Variants in NCK2 observed in about 807,000 individuals in gnomAD.
The protein encoded by NCK2 is NCK adaptor protein 2.
A neutral mutation model predicts 33.9 loss-of-function variants in NCK2; 16 were observed. That is an observed-to-expected ratio of 0.47 (90% CI 0.32 to 0.72). The LOEUF (loss-of-function observed/expected upper bound fraction) is 0.72, where lower values mean the gene tolerates loss of function less well. NCK2 is among the 30% of genes least tolerant of loss of function. The probability of loss-of-function intolerance (pLI) is 0.03; values close to 1 mark genes in which losing one functional copy is unlikely to be tolerated. For synonymous variants in NCK2, 273 were observed against 239.9 expected, an observed-to-expected ratio of 1.14 and a Z score of -1.27; for missense variants, 418 against 537.3, an observed-to-expected ratio of 0.78 and a Z score of 2.19.
chr2:105,882,910 G>A (rs973441963), intron 4 of NCK2, among the ~76,000 whole-genome samples: 1 of 152,146 alleles, frequency 6.6e-6, no homozygotes, highest in Admixed American at 6.5e-5. Flanking sequence ...TTAAATGCAC[G>A]CTATAAGACT....
intron 1 of NCK2, among the ~76,000 whole-genome samples, chr2:105,792,987 A>C (rs1690945688): frequency 6.6e-6 from 1 of 152,136 alleles, no homozygotes; most frequent in Admixed American, 6.5e-5. Context: ...CAACCGAGTC[A>C]GCTTTTCCCT....
intron 1 of NCK2, among the ~76,000 whole-genome samples, chr2:105,746,275 C>G (rs1359493679): frequency 1.3e-5 from 2 of 152,202 alleles, no homozygotes; most frequent in Admixed American, 6.5e-5. Context: ...GGGCCAGCTC[C>G]GTCCCTCGAC....
At chr2:105,850,971 T>C (rs6543343) in intron 2 of NCK2, among the ~76,000 whole-genome samples, 141,787 of 152,272 alleles carry the variant, frequency 0.93, 66,085 homozygotes, top group East Asian at 0.98. Flanking sequence ...GGGATGCAAC[T>C]TCAACTCTCG....
At chr2:105,773,614 A>G (rs1482772832) in intron 1 of NCK2, among the ~76,000 whole-genome samples, 1 of 152,004 alleles carries the variant, frequency 6.6e-6, no homozygotes, top group Non-Finnish European at 1.5e-5. Context: ...CTTTGACACT[A>G]TGGTTCATTT....
intron 4 of NCK2, among the ~76,000 whole-genome samples, chr2:105,888,439 G>A (rs762602257): frequency 6.6e-6 from 1 of 152,186 alleles, no homozygotes. Flanking sequence ...ACAGTGGGAG[G>A]TAGCACAAAG....
intron 1 of NCK2, among the ~76,000 whole-genome samples, chr2:105,783,841 A>G (rs1178689624): frequency 6.6e-6 from 1 of 152,106 alleles, no homozygotes; most frequent in Non-Finnish European, 1.5e-5. Flanking sequence ...ATTTCTTCCC[A>G]GAAAGTGGGA....
intron 2 of NCK2, among the ~76,000 whole-genome samples, chr2:105,832,469 A>G (rs188598577): frequency 1.4e-4 from 21 of 152,302 alleles, no homozygotes; most frequent in African/African-American, 5.1e-4. Context: ...TCTGTCGTTA[A>G]GGCTCGTATT....
intron 1 of NCK2, among the ~76,000 whole-genome samples, chr2:105,764,335 C>A (rs994852738): frequency 6.6e-6 from 1 of 152,264 alleles, no homozygotes; most frequent in Non-Finnish European, 1.5e-5. Context: ...TTTAGCCCCA[C>A]AGCTCGAGTG....
intron 1 of NCK2, among the ~76,000 whole-genome samples, chr2:105,752,400 A>G (rs1247349908): frequency 6.8e-6 from 1 of 147,526 alleles, no homozygotes; most frequent in Non-Finnish European, 1.5e-5. Context: ...ACTAATATCT[A>G]TCATCAAAAT....
intron 2 of NCK2, among the ~76,000 whole-genome samples, chr2:105,820,395 T>A (rs1421919878): frequency 6.6e-6 from 1 of 152,150 alleles, no homozygotes; most frequent in African/African-American, 2.4e-5. Context: ...ATTTCCCAGT[T>A]ATTGGACACT....
At chr2:105,827,461 GAA>G (rs1675998016) in intron 2 of NCK2, among the ~76,000 whole-genome samples, 1 of 152,156 alleles carries the variant, frequency 6.6e-6, no homozygotes, top group Admixed American at 6.5e-5. Context: ...AAAGTACACA[GAA>G]AGTCAGCAGG....
intron 1 of NCK2, among the ~76,000 whole-genome samples, chr2:105,780,549 T>G (rs759982804): frequency 2.0e-4 from 31 of 152,200 alleles, no homozygotes; most frequent in Non-Finnish European, 3.8e-4. Context: ...TGGGCACTAT[T>G]GAGAGTGGGA....
At chr2:105,884,038 A>G (rs187197212) in intron 4 of NCK2, among the ~76,000 whole-genome samples, 102 of 152,210 alleles carry the variant, frequency 6.7e-4, no homozygotes, top group African/African-American at 2.4e-3. Flanking sequence ...GGCCATTTTC[A>G]GCTGTTAGTG....
intron 1 of NCK2, among the ~76,000 whole-genome samples, chr2:105,758,413 G>GTT (rs574939583): frequency 0.32 from 42,026 of 132,304 alleles, 7,094 homozygotes; most frequent in East Asian, 0.46. Context: ...TGTTGTTTTT[G>GTT]TTTTTTTTTT....
intron 1 of NCK2, among the ~76,000 whole-genome samples, chr2:105,761,111 G>A (rs945783880): frequency 1.3e-5 from 2 of 152,216 alleles, no homozygotes; most frequent in Non-Finnish European, 2.9e-5. Flanking sequence ...GCCAGAGTCT[G>A]CTGTGAGGCC....
chr2:105,890,237 C>T (rs935837391), intron 4 of NCK2, among the ~76,000 whole-genome samples: 8 of 152,148 alleles, frequency 5.3e-5, no homozygotes, highest in South Asian at 2.1e-4. Context: ...CATACAGGCA[C>T]ACACACACCA....
chr2:105,794,313 A>T (rs1691000082), intron 1 of NCK2, among the ~76,000 whole-genome samples: 2 of 152,016 alleles, frequency 1.3e-5, no homozygotes, highest in Non-Finnish European at 2.9e-5. Flanking sequence ...CAGCCTCCCA[A>T]AGTGCTAGGA....
chr2:105,835,417 A>ATGTGTG (rs375239852), intron 2 of NCK2, among the ~76,000 whole-genome samples: 1 of 79,100 alleles, frequency 1.3e-5, no homozygotes, highest in African/African-American at 3.6e-5. Flanking sequence ...GTGTATATAT[A>ATGTGTG]TATATATTTT....
chr2:105,876,234 A>C (rs1210014273), intron 3 of NCK2, among the ~76,000 whole-genome samples: 6 of 152,234 alleles, frequency 3.9e-5, no homozygotes, highest in Non-Finnish European at 7.3e-5. Flanking sequence ...TTTTATGATT[A>C]ACTTGAGAAT....
Sources: gnomAD v4.1 joint callset for allele counts (sites outside exome capture counted in the v4.1 genomes callset) on GRCh38, gnomAD v4.1.1 for gene constraint, MANE v1.5 for transcripts, NCBI Gene and HGNC (gene_info 2026-07-23, HGNC 2026-07-21) for gene names.